The following NWD1 variants were observed in gnomAD, a reference collection of about 807,000 sequenced individuals.
NWD1 encodes the protein NACHT and WD repeat domain containing 1.
Under a neutral mutation model 135.1 loss-of-function variants are expected in NWD1, and 129 were observed. That is an observed-to-expected ratio of 0.96 (90% confidence interval 0.83 to 1.11). The LOEUF (loss-of-function observed/expected upper bound fraction) is 1.11. Among genes scored for constraint, NWD1 ranks in the 50% least tolerant of loss-of-function variants. The pLI, the probability that NWD1 is intolerant of heterozygous loss-of-function variation, is 0.00. For missense variants in NWD1, 1,740 were observed against 1,851.3 expected (o/e 0.94, Z 1.10); for synonymous variants, 773 against 786.0 (o/e 0.98, Z 0.28).
At chr19:16,783,191 C>A (rs1369053270) in intron 12 of NWD1, among the ~76,000 whole-genome samples, 1 of 151,926 alleles carries the variant, frequency 6.6e-6, no homozygotes, top group East Asian at 1.9e-4. Flanking sequence ...GCCACCATGC[C>A]CAACTACTTT....
chr19:16,767,041 C>T (rs1325674892), intron 10 of NWD1, among the ~76,000 whole-genome samples: 1 of 152,072 alleles, frequency 6.6e-6, no homozygotes, highest in Non-Finnish European at 1.5e-5. Flanking sequence ...TGTTTTCACA[C>T]TGCTATAAAG....
At chr19:16,774,452 G>C (rs1434937015) in intron 11 of NWD1, among the ~76,000 whole-genome samples, 1 of 135,902 alleles carries the variant, frequency 7.4e-6, no homozygotes, top group African/African-American at 2.8e-5. Flanking sequence ...TTCATCTACT[G>C]TTCCACTGTT....
intron 6 of NWD1, among the ~76,000 whole-genome samples, chr19:16,754,994 A>G (rs1233167846): frequency 1.3e-5 from 2 of 152,146 alleles, no homozygotes; most frequent in Non-Finnish European, 2.9e-5. Flanking sequence ...ACTTCTAGTA[A>G]TCTATCATTG....
At chr19:16,774,278 A>C (rs1969521778) in intron 11 of NWD1, among the ~76,000 whole-genome samples, 1 of 142,228 alleles carries the variant, frequency 7.0e-6, no homozygotes, top group African/African-American at 2.7e-5. Flanking sequence ...CCAATCATCT[A>C]CCCACCCTTC....
intron 14 of NWD1, among the ~76,000 whole-genome samples, chr19:16,793,060 TA>T (rs71180338): frequency 0.65 from 95,282 of 146,018 alleles, 31,144 homozygotes; most frequent in Middle Eastern, 0.8. Context: ...AATTAAAAAA[TA>T]AAAAAAAAAA....
intron 6 of NWD1, among the ~76,000 whole-genome samples, chr19:16,754,462 TTCCATCCATCCATCCATCCATCCA>T (rs59776692): frequency 1.6e-5 from 2 of 128,846 alleles, no homozygotes; most frequent in Admixed American, 7.8e-5. Flanking sequence ...CATCTCTATT[TTCCATCCATCCATCCATCCATCCA>T]TCCATCCATC....
At chr19:16,788,775 T>A (rs1223684422) in intron 12 of NWD1, among the ~76,000 whole-genome samples, 4 of 152,130 alleles carry the variant, frequency 2.6e-5, no homozygotes, top group African/African-American at 4.8e-5. Context: ...GTGAGAACTC[T>A]TTCTCCATAG....
In NWD1 at chr19:16,807,613, C is replaced by T. The variant is rs1970788357; in HGVS notation, c.3764C>T (p.Ser1255Phe). The T allele has an allele frequency of 6.5e-7, 1 of 1,537,446 alleles. No individual in the cohort carries two copies. The change falls in exon 18 of 19, where the codon TCC (serine) becomes TTC (phenylalanine). Residue 1255 changes from serine to phenylalanine, a missense_variant. Physicochemically the swap from Ser to Phe is radical, Grantham distance 155 (BLOSUM62 -2). Transcript: ENST00000524140. The part of the protein sequence containing the change: ...EGEEQDSLDT[S>F]SEIRCLEVAE... ...GAGGAACAAGATTCCCTGGACACCT[C>T]CAGTGAGATCAGGTGTCTGGAGGTT... is the stretch of plus-strand genomic sequence containing the variant.
chr19:16,781,648 A>G (rs1969857455), intron 12 of NWD1, among the ~76,000 whole-genome samples: 1 of 151,908 alleles, frequency 6.6e-6, no homozygotes, highest in African/African-American at 2.4e-5. Flanking sequence ...TTATTTGTTG[A>G]CCTGAGATCT....
chr19:16,779,912 A>G (rs568939349), intron 12 of NWD1, among the ~76,000 whole-genome samples: 2 of 152,314 alleles, frequency 1.3e-5, no homozygotes, highest in South Asian at 4.1e-4. Context: ...CTGGGATTAC[A>G]AATTTGAGCC....
chr19:16,751,911 G>A (rs937233883), intron 6 of NWD1, among the ~76,000 whole-genome samples: 2 of 148,042 alleles, frequency 1.4e-5, no homozygotes, highest in Non-Finnish European at 1.5e-5. Flanking sequence ...GAGAGAAAAA[G>A]GGAAAGAAGG....
intron 3 of NWD1, among the ~76,000 whole-genome samples, chr19:16,736,324 G>A (rs1399290687): frequency 2.0e-5 from 3 of 151,640 alleles, no homozygotes; most frequent in Non-Finnish European, 4.4e-5. Flanking sequence ...CTGCCTTGTG[G>A]GCTCAATTGA....
rs769324398 is a variant in NWD1 at position 16,797,934 on chromosome 19, A to G, written c.3459+48A>G. On this transcript the variant is annotated intron_variant, in intron 16 of 18. Coordinates refer to ENST00000524140, the MANE Select transcript of NWD1 (RefSeq NM_001007525.5). ...TCATCCTCACCTCCACCTCGGGAAC[A>G]GACACTGATTCTTTAGGGATTTTTG... The G allele has an allele frequency of 7.8e-6, 12 of 1,545,928 alleles. No individual in the cohort carries two copies. In the Admixed American group the frequency reaches 2.3e-4, roughly 30 times the overall value.
At chr19:16,771,390 C>T (rs1969406132) in intron 10 of NWD1, among the ~76,000 whole-genome samples, 1 of 152,092 alleles carries the variant, frequency 6.6e-6, no homozygotes, top group Non-Finnish European at 1.5e-5. Context: ...GCAGATGTTG[C>T]GGTGAGCCGA....
At chr19:16,797,330 T>TG (rs939383420) in intron 15 of NWD1, among the ~76,000 whole-genome samples, 2 of 140,942 alleles carry the variant, frequency 1.4e-5, no homozygotes, top group African/African-American at 5.2e-5. Flanking sequence ...AAACATCTCT[T>TG]TTTTTTTTTT....
Position 16,763,932 on chromosome 19 carries a change from A to G in NWD1, c.2238A>G (p.Lys746=). The G allele has an allele frequency of 6.2e-7, 1 of 1,608,994 alleles. No individual in the cohort carries two copies. Residue 746 remains lysine, a synonymous_variant, in exon 9 of 19, where the codon AAA becomes AAG. Coordinates refer to ENST00000524140, the MANE Select transcript of NWD1 (RefSeq NM_001007525.5). ...ACTCGGGCCGCCTGGAGGAGCTGAA[A>G]CAGGAGGTTCTGGGTAAGGGCTGCC... ...LLHSGRLEEL[K]QEVLGSMSWI...
At chr19:16,788,923 A>G in intron 12 of NWD1, 59 bp from the exon 13 acceptor site, 1 of 1,158,484 alleles carries the variant, frequency 8.6e-7, no homozygotes, top group Non-Finnish European at 1.3e-6. Flanking sequence ...GCATTTTAAT[A>G]GTTGCAAGGC....
chr19:16,780,750 T>A (rs1340208336), intron 12 of NWD1, among the ~76,000 whole-genome samples: 4 of 152,022 alleles, frequency 2.6e-5, no homozygotes, highest in Non-Finnish European at 5.9e-5. Flanking sequence ...CTCAGCCTCC[T>A]GGGCTCAAGC....
chr19:16,789,707 C>CCTCT (rs905428524), intron 13 of NWD1, among the ~76,000 whole-genome samples: 2 of 147,056 alleles, frequency 1.4e-5, no homozygotes, highest in African/African-American at 5.1e-5. Flanking sequence ...CTCTCTCTCT[C>CCTCT]CTCTCTCTCT....
Sources: allele counts gnomAD v4.1 joint callset (sites outside exome capture counted in the v4.1 genomes callset), GRCh38; gene constraint gnomAD v4.1.1; transcripts MANE v1.5; gene names NCBI Gene and HGNC (gene_info 2026-07-23, HGNC 2026-07-21).